SSUH2: variants seen among roughly 807,000 people sequenced by gnomAD.
SSUH2 encodes protein SSUH2 homolog.
A neutral mutation model predicts 55.3 loss-of-function variants in SSUH2; 47 were observed. The ratio of observed to expected loss-of-function variants is 0.85; its 90% CI spans 0.67 to 1.08. The LOEUF is 1.08. SSUH2 is among the 50% of genes least tolerant of loss of function. The pLI is 0.00. For missense variants in SSUH2, 535 were observed against 490.7 expected (o/e 1.09, Z -0.85); for synonymous variants, 212 against 191.5 (o/e 1.11, Z -0.89).
In SSUH2 at chr3:8,679,301, CATGAG is replaced by C. The variant is rs1705772635; in HGVS notation, c.-901+399_-901+403del. ...CCATCGGAGGGGGGGAGCCACCCCC[CATGAG>C]GCGGGGACTAAGAGCCAGCCCCTCT... On this transcript the variant is annotated intron_variant, in intron 2 of 18. Transcript: ENST00000317371. Among the ~76,000 whole-genome samples, 7 of 110,080 alleles carry C rather than the reference CATGAG, an allele frequency of 6.4e-5. 1 individual carries two copies. Among genetic ancestry groups the C allele is most frequent in the African/African-American group, 2.2e-4 (7 of 32,056 alleles). The allele number at this position is 110,080 out of a possible 152,430, so 72.2% of individuals were successfully genotyped here.
chr3:8,658,711 A>G (rs1351913770), intron 7 of SSUH2, among the ~76,000 whole-genome samples: 1 of 152,082 alleles, frequency 6.6e-6, no homozygotes, highest in Non-Finnish European at 1.5e-5. Context: ...ATATTCTGCT[A>G]TCTCATTCTT....
At chr3:8,663,865 A>G (rs1394832072) in intron 5 of SSUH2, 2 of 456,588 alleles carry the variant, frequency 4.4e-6, no homozygotes, top group Middle Eastern at 3.3e-4. Context: ...GTCCCAAGAC[A>G]ATGTTGTTTT....
chr3:8,661,533 C>G (rs1367149418), intron 6 of SSUH2, among the ~76,000 whole-genome samples: 4 of 152,176 alleles, frequency 2.6e-5, no homozygotes, highest in South Asian at 4.1e-4. Context: ...ACCTGCAAGC[C>G]AACAAGTCAG....
chr3:8,644,682 T>C (rs241051), intron 1 of SSUH2, 49 bp downstream of exon 1: 245,515 of 1,514,214 alleles, frequency 0.16, 21,438 homozygotes, highest in Middle Eastern at 0.19. Context: ...AAATGCAGGC[T>C]AAAATATCTC....
upstream of SSUH2, among the ~76,000 whole-genome samples, chr3:8,645,282 T>C (rs1035676536): frequency 6.6e-6 from 1 of 152,138 alleles, no homozygotes; most frequent in Non-Finnish European, 1.5e-5. Context: ...ACCAGCCTCA[T>C]CTCCCTGGGG....
chr3:8,644,400 G>A (rs1358269712), intron 1 of SSUH2, among the ~76,000 whole-genome samples: 1 of 152,178 alleles, frequency 6.6e-6, no homozygotes, highest in Non-Finnish European at 1.5e-5. Flanking sequence ...TGGTGTCACT[G>A]TGATAGAGAG....
In SSUH2 at chr3:8,635,776, CAG is replaced by C. The variant is rs1559385289; in HGVS notation, c.108_109del (p.Asp36GlufsTer54). 2 of 1,535,760 alleles carry C rather than the reference CAG, an allele frequency of 1.3e-6. No homozygotes were observed. Among genetic ancestry groups the C allele is most frequent in the Admixed American group, 3.9e-5 (2 of 50,990 alleles). On this transcript the variant is annotated frameshift_variant, in exon 2 of 12. Coordinates refer to ENST00000544814, the MANE Select transcript of SSUH2 (RefSeq NM_001256748.3). LOFTEE classifies it high-confidence loss of function. The stretch of plus-strand genomic sequence containing the variant: ...GAACTTACTGCCCCCTTGAAGAAGC[CAG>C]TCATAGCTGGGCAGTCTCTCCAGGA...
At position 8,679,009 on chromosome 3, in the gene SSUH2, C is replaced by A. The variant is rs1311043347; in HGVS notation, c.-901+696G>T. 2.3e-4 allele frequency among the ~76,000 whole-genome samples: 25 copies of A among 109,804 alleles called. 9 individuals carry two copies. The highest frequency in any genetic ancestry group is 1.9e-3 in the South Asian group (6 of 3,178). 72.0% of individuals were successfully genotyped at this position (109,804 alleles called of 152,430 possible). A position where few individuals can be genotyped will look rare whatever the true frequency, so the allele number is the denominator to read the frequency against. On this transcript the variant is annotated intron_variant, in intron 2 of 18. Coordinates refer to the SSUH2 transcript ENST00000317371. ...CCCCCGCGAGGTGGGGACTGAGAGC[C>A]AGCCCCTCTTCCCCCCCTGGCTCTT... is the stretch of plus-strand genomic sequence containing the variant.
At chr3:8,676,077 G>C (rs1241015812) in intron 3 of SSUH2, among the ~76,000 whole-genome samples, 2 of 152,060 alleles carry the variant, frequency 1.3e-5, no homozygotes, top group Non-Finnish European at 2.9e-5. Context: ...CCCATGCTGT[G>C]GTGACTGAGA....
intron 1 of SSUH2, among the ~76,000 whole-genome samples, chr3:8,680,357 A>G (rs1035262196): frequency 1.3e-5 from 2 of 151,526 alleles, no homozygotes; most frequent in African/African-American, 2.4e-5. Context: ...GGACTCACAG[A>G]CTGTTTACCA....
chr3:8,664,551 C>T (rs959531438), intron 5 of SSUH2, among the ~76,000 whole-genome samples: 4 of 152,100 alleles, frequency 2.6e-5, no homozygotes, highest in African/African-American at 2.4e-5. Context: ...AGCTTTGAAC[C>T]AAGAAAATGC....
chr3:8,662,640 C>T (rs1007595653), intron 6 of SSUH2, among the ~76,000 whole-genome samples: 2 of 152,318 alleles, frequency 1.3e-5, no homozygotes, highest in African/African-American at 4.8e-5. Flanking sequence ...AGCACCTAGA[C>T]CAGAAAAGCC....
chr3:8,641,533 G>GAAGCTTTTTATTTCTTACTCACT (rs1464637800), intron 1 of SSUH2, among the ~76,000 whole-genome samples: 26 of 152,148 alleles, frequency 1.7e-4, no homozygotes, highest in Non-Finnish European at 3.5e-4. Flanking sequence ...CAATTTCACT[G>GAAGCTTTTTATTTCTTACTCACT]AAGCTTTTTA....
chr3:8,628,281 G>T (rs1698012086), intron 7 of SSUH2, among the ~76,000 whole-genome samples: 1 of 152,202 alleles, frequency 6.6e-6, no homozygotes, highest in Non-Finnish European at 1.5e-5. Flanking sequence ...GGGATGAAAG[G>T]GCTGGTGGAG....
chr3:8,663,678 T>G (rs1275321867), intron 6 of SSUH2: 7 of 383,164 alleles, frequency 1.8e-5, no homozygotes, highest in Non-Finnish European at 3.7e-5. Flanking sequence ...ATGTGTTAAT[T>G]GATTAACTAA....
Position 8,633,356 on chromosome 3 carries a change from C to A in SSUH2, c.339+310G>T, listed in dbSNP as rs1295797794. 4.6e-5 allele frequency among the ~76,000 whole-genome samples: 7 copies of A among 152,212 alleles called. No individual in the cohort carries two copies. The East Asian group carries it at 9.7e-4, about 21-fold the overall frequency. ...ATGGGGTTTCACCATGTTAGTCAGG[C>A]TGGTCTAACCTGACTCACCTCAGGT... On this transcript the variant is annotated intron_variant, in intron 4 of 11. Coordinates refer to ENST00000544814, the MANE Select transcript of SSUH2 (RefSeq NM_001256748.3).
At chr3:8,629,390 G>A (rs1698284816) in intron 7 of SSUH2, 1 of 485,166 alleles carries the variant, frequency 2.1e-6, no homozygotes, top group Non-Finnish European at 3.7e-6. Context: ...AGAGGTCAGA[G>A]CCAAGCAGGT....
chr3:8,643,142 AG>A (rs1332126343), intron 1 of SSUH2, among the ~76,000 whole-genome samples: 1 of 152,232 alleles, frequency 6.6e-6, no homozygotes, highest in East Asian at 1.9e-4. Context: ...CATTTCGTAG[AG>A]TCAATATTGA....
At chr3:8,675,709 T>TA (rs1705170815) in intron 3 of SSUH2, among the ~76,000 whole-genome samples, 1 of 152,134 alleles carries the variant, frequency 6.6e-6, no homozygotes, top group Non-Finnish European at 1.5e-5. Context: ...TTTGCAGTAC[T>TA]AGCCAAGCCT....
Sources: gnomAD v4.1 joint callset for allele counts (sites outside exome capture counted in the v4.1 genomes callset) on GRCh38, gnomAD v4.1.1 for gene constraint, MANE v1.5 for transcripts, NCBI Gene and HGNC (gene_info 2026-07-23, HGNC 2026-07-21) for gene names.